Variants in CFAP96 observed in about 807,000 individuals in gnomAD.
CFAP96 encodes the protein cilia and flagella associated protein 96.
the CFAP96 span, chr4:185,445,118 T>C: frequency 1.5e-4 from 236 of 1,551,406 alleles, 1 homozygote; most frequent in East Asian, 4.7e-3. Context: ...ATAATGACTT[T>C]GAATGTCAGA....
the CFAP96 span, chr4:185,436,387 C>T: frequency 6.2e-6 from 9 of 1,455,078 alleles, no homozygotes; most frequent in African/African-American, 1.4e-5. Context: ...AATGTTTCAA[C>T]CTTTCTTTTA....
chr4:185,412,660 C>G, the CFAP96 span, among the ~76,000 whole-genome samples: 4 of 152,028 alleles, frequency 2.6e-5, no homozygotes, highest in African/African-American at 7.2e-5. Flanking sequence ...AGTGAGGATA[C>G]AGAGGGTATG....
the CFAP96 span, chr4:185,422,663 C>A: frequency 2.5e-6 from 2 of 784,682 alleles, no homozygotes; most frequent in Admixed American, 6.5e-5. Flanking sequence ...CATTAATTAA[C>A]CTTGATTCTT....
chr4:185,418,726 A>G, the CFAP96 span: 1 of 1,613,158 alleles, frequency 6.2e-7, no homozygotes, highest in Non-Finnish European at 8.5e-7. Flanking sequence ...AGCTTAGTTG[A>G]CAGGTCACTC....
At chr4:185,443,563 G>A in the CFAP96 span, among the ~76,000 whole-genome samples, 1 of 150,792 alleles carries the variant, frequency 6.6e-6, no homozygotes, top group Non-Finnish European at 1.5e-5. Flanking sequence ...TGCCCAGGCT[G>A]GTCTTGAACT....
chr4:185,413,655 T>A, the CFAP96 span: 1 of 1,426,528 alleles, frequency 7.0e-7, no homozygotes, highest in Non-Finnish European at 9.5e-7. Flanking sequence ...AGTCTCCTAC[T>A]GGGTACCAAC....
At chr4:185,409,258 AG>A in the CFAP96 span, among the ~76,000 whole-genome samples, 2 of 152,184 alleles carry the variant, frequency 1.3e-5, no homozygotes, top group Admixed American at 1.3e-4. Context: ...CGCTAAGTTA[AG>A]GGTCAAAAAA....
the CFAP96 span, among the ~76,000 whole-genome samples, chr4:185,439,563 C>T: frequency 1.3e-5 from 2 of 151,872 alleles, no homozygotes; most frequent in African/African-American, 2.4e-5. Context: ...TCAATGTTCA[C>T]TGTATAGTTT....
the CFAP96 span, among the ~76,000 whole-genome samples, chr4:185,416,738 A>G: frequency 1.3e-5 from 2 of 152,200 alleles, no homozygotes; most frequent in Non-Finnish European, 2.9e-5. Flanking sequence ...CAAAATTACA[A>G]TGTTAGAAAG....
the CFAP96 span, among the ~76,000 whole-genome samples, chr4:185,438,239 C>T: frequency 6.6e-6 from 1 of 152,030 alleles, no homozygotes; most frequent in East Asian, 1.9e-4. Context: ...TTGAAATTGT[C>T]CTACAATTTA....
the CFAP96 span, chr4:185,425,993 T>A: frequency 2.1e-4 from 238 of 1,127,334 alleles, no homozygotes; most frequent in African/African-American, 3.3e-3. Context: ...ACTCCCGACA[T>A]GCTCGGCGGC....
At chr4:185,433,373 G>A in the CFAP96 span, among the ~76,000 whole-genome samples, 2 of 142,018 alleles carry the variant, frequency 1.4e-5, no homozygotes, top group African/African-American at 5.2e-5. Context: ...CTCCAGCCTG[G>A]GTGACAGACT....
chr4:185,434,523 A>G, the CFAP96 span, among the ~76,000 whole-genome samples: 10 of 152,162 alleles, frequency 6.6e-5, no homozygotes, highest in African/African-American at 2.2e-4. Flanking sequence ...ACATTAGTTT[A>G]TAATAGGCTT....
chr4:185,428,103 T>A, the CFAP96 span, among the ~76,000 whole-genome samples: 4 of 141,938 alleles, frequency 2.8e-5, no homozygotes, highest in African/African-American at 5.3e-5. Context: ...AAAAAAAAAA[T>A]GGTTCTTACT....
chr4:185,418,316 A>C, the CFAP96 span: 9 of 693,390 alleles, frequency 1.3e-5, no homozygotes, highest in Non-Finnish European at 2.1e-5. Flanking sequence ...CAAGTCATTT[A>C]ATCTTTTTGG....
the CFAP96 span, chr4:185,415,078 A>G: frequency 1.7e-6 from 2 of 1,204,978 alleles, no homozygotes; most frequent in Non-Finnish European, 1.2e-6. Flanking sequence ...CCTTCCATTT[A>G]GTGGAAATAT....
chr4:185,427,221 T>C, the CFAP96 span, among the ~76,000 whole-genome samples: 1 of 152,240 alleles, frequency 6.6e-6, no homozygotes, highest in Non-Finnish European at 1.5e-5. Context: ...CTCCTGCCCT[T>C]GTGCCGTGGA....
At chr4:185,431,402 A>G in the CFAP96 span, among the ~76,000 whole-genome samples, 1 of 152,234 alleles carries the variant, frequency 6.6e-6, no homozygotes, top group Non-Finnish European at 1.5e-5. Flanking sequence ...CTGGGCTACT[A>G]GTATTTCACT....
the CFAP96 span, among the ~76,000 whole-genome samples, chr4:185,443,316 T>TTACATATATATATA: frequency 1.5e-5 from 1 of 68,050 alleles, no homozygotes; most frequent in Non-Finnish European, 3.3e-5. Context: ...ATATTATTTT[T>TTACATATATATATA]TATGTATATA....
Sources: gnomAD v4.1 joint callset for allele counts (sites outside exome capture counted in the v4.1 genomes callset) on GRCh38, gnomAD v4.1.1 for gene constraint, MANE v1.5 for transcripts, NCBI Gene and HGNC (gene_info 2026-07-23, HGNC 2026-07-21) for gene names.